SAMMSON: variants seen among roughly 807,000 people sequenced by gnomAD.
SAMMSON encodes the protein long intergenic non-protein coding RNA 1212.
chr3:70,171,227 T>C (rs1428508143), intron 4 of SAMMSON, among the ~76,000 whole-genome samples: 1 of 151,878 alleles, frequency 6.6e-6, no homozygotes, highest in African/African-American at 2.4e-5. Flanking sequence ...CAGGACACTT[T>C]ATGAACATCA....
chr3:70,323,244 G>A (rs563939393), intron 7 of SAMMSON, among the ~76,000 whole-genome samples: 5 of 152,052 alleles, frequency 3.3e-5, no homozygotes, highest in African/African-American at 2.4e-5. Context: ...AAATTAATCC[G>A]AGATTTTTTG....
rs369538924 is a variant in SAMMSON, at chr3:70,112,027, A to G, written n.507+40462A>G. On this transcript the variant is annotated intron_variant and non_coding_transcript_variant, in intron 4 of 9. Transcript: ENST00000642114. ...GAATAGAATGAATGAGAGAAAAGCT[A>G]CATTATAGTTGATAATGTGAACTAT... is the stretch of plus-strand genomic sequence containing the variant. 2.0e-5 allele frequency among the ~76,000 whole-genome samples: 3 copies of G among 152,308 alleles called. No individual in the cohort carries two copies. In the East Asian group the frequency reaches 5.8e-4, roughly 29 times the overall value.
At chr3:70,265,160 G>T (rs1398056264) in intron 6 of SAMMSON, among the ~76,000 whole-genome samples, 1 of 152,162 alleles carries the variant, frequency 6.6e-6, no homozygotes, top group Non-Finnish European at 1.5e-5. Flanking sequence ...TTCAAGATTG[G>T]GTGGGGACAC....
intron 9 of SAMMSON, among the ~76,000 whole-genome samples, chr3:70,385,315 A>C (rs1236792133): frequency 1.3e-5 from 2 of 152,116 alleles, no homozygotes; most frequent in Non-Finnish European, 2.9e-5. Context: ...AGATATTAAT[A>C]CTTCCTCATA....
intron 4 of SAMMSON, among the ~76,000 whole-genome samples, chr3:70,176,486 T>C (rs1356665476): frequency 6.6e-6 from 1 of 152,196 alleles, no homozygotes; most frequent in Non-Finnish European, 1.5e-5. Flanking sequence ...AAAATATTCT[T>C]TTGTAATGTG....
intron 6 of SAMMSON, among the ~76,000 whole-genome samples, chr3:70,290,602 CG>C (rs1702226353): frequency 6.6e-6 from 1 of 152,202 alleles, no homozygotes; most frequent in Non-Finnish European, 1.5e-5. Context: ...TTCGAGTTTC[CG>C]GGCTGTTTTG....
intron 3 of SAMMSON, among the ~76,000 whole-genome samples, chr3:70,049,123 A>C (rs2067137027): frequency 6.6e-6 from 1 of 152,164 alleles, no homozygotes; most frequent in South Asian, 2.1e-4. Context: ...TCAAACATTT[A>C]CTGCATACCT....
chr3:70,089,772 A>G (rs183175466), intron 4 of SAMMSON, among the ~76,000 whole-genome samples: 1 of 152,150 alleles, frequency 6.6e-6, no homozygotes, highest in East Asian at 1.9e-4. Context: ...TAATGATGAT[A>G]ATTTTCGCAA....
chr3:70,042,341 A>G (rs112433845), intron 3 of SAMMSON, among the ~76,000 whole-genome samples: 183 of 152,218 alleles, frequency 1.2e-3, no homozygotes, highest in Non-Finnish European at 2.1e-3. Context: ...ATTTCTTCCA[A>G]CAGTGCCTAC....
intron 3 of SAMMSON, among the ~76,000 whole-genome samples, chr3:70,049,225 G>A (rs2067137510): frequency 6.6e-6 from 1 of 152,106 alleles, no homozygotes; most frequent in East Asian, 1.9e-4. Flanking sequence ...CATGGAGTTT[G>A]CTGCCTGTCT....
At chr3:70,150,327 C>A (rs1398607717) in intron 4 of SAMMSON, among the ~76,000 whole-genome samples, 2 of 152,094 alleles carry the variant, frequency 1.3e-5, no homozygotes, top group Non-Finnish European at 2.9e-5. Context: ...GAGTTGCCAG[C>A]ACTTTTTCCA....
At chr3:70,416,206 G>A (rs1701263528) in intron 2 of SAMMSON, among the ~76,000 whole-genome samples, 2 of 152,154 alleles carry the variant, frequency 1.3e-5, no homozygotes, top group South Asian at 4.1e-4. Context: ...TGATGGAGAT[G>A]AGCACTAGAG....
chr3:70,097,887 C>T (rs1342929463), intron 4 of SAMMSON, among the ~76,000 whole-genome samples: 1 of 152,076 alleles, frequency 6.6e-6, no homozygotes, highest in African/African-American at 2.4e-5. Flanking sequence ...AAATAAAGCA[C>T]TTATGGAGCA....
chr3:70,136,640 G>A (rs2067506907), intron 4 of SAMMSON, among the ~76,000 whole-genome samples: 2 of 152,192 alleles, frequency 1.3e-5, no homozygotes, highest in African/African-American at 2.4e-5. Context: ...TTTTGGGGGA[G>A]TAATTTGCCA....
At chr3:70,209,325 G>A (rs550931857) in intron 4 of SAMMSON, among the ~76,000 whole-genome samples, 5 of 152,172 alleles carry the variant, frequency 3.3e-5, no homozygotes, top group African/African-American at 1.2e-4. Context: ...AGATATTGCT[G>A]CATTTCCCTT....
intron 7 of SAMMSON, among the ~76,000 whole-genome samples, chr3:70,313,355 A>G (rs1439810473): frequency 6.6e-6 from 1 of 151,954 alleles, no homozygotes; most frequent in Non-Finnish European, 1.5e-5. Flanking sequence ...ATATATGTCT[A>G]TAATCCTAGC....
At chr3:70,243,742 A>G (rs777755817) in intron 4 of SAMMSON, among the ~76,000 whole-genome samples, 2 of 152,136 alleles carry the variant, frequency 1.3e-5, no homozygotes, top group African/African-American at 2.4e-5. Context: ...TCACTGATCT[A>G]AAGCAAGATT....
chr3:70,178,726 G>A (rs990977214), intron 4 of SAMMSON, among the ~76,000 whole-genome samples: 2 of 152,182 alleles, frequency 1.3e-5, no homozygotes, highest in African/African-American at 4.8e-5. Context: ...TAAGAACTTT[G>A]TGCTGGGCAC....
At chr3:70,430,283 A>G (rs1368258152) in intron 2 of SAMMSON, among the ~76,000 whole-genome samples, 1 of 152,170 alleles carries the variant, frequency 6.6e-6, no homozygotes, top group Admixed American at 6.5e-5. Context: ...TGATTTGCAG[A>G]TGTTCAACCA....
Sources: allele counts gnomAD v4.1 joint callset (sites outside exome capture counted in the v4.1 genomes callset), GRCh38; gene constraint gnomAD v4.1.1; transcripts MANE v1.5; gene names NCBI Gene and HGNC (gene_info 2026-07-23, HGNC 2026-07-21).